Variants in USP42 observed in about 807,000 individuals in gnomAD.
The protein encoded by USP42 is ubiquitin specific peptidase 42, also known as ubiquitin carboxyl-terminal hydrolase 42.
A neutral mutation model predicts 113.0 loss-of-function variants in USP42; 23 were observed. The observed-to-expected ratio is 0.20, with a 90% CI of 0.15 to 0.29. USP42 has a LOEUF of 0.29. USP42 is among the 10% of genes least tolerant of loss of function. The probability of loss-of-function intolerance (pLI) is 1.00; values close to 1 mark genes in which losing one functional copy is unlikely to be tolerated. For synonymous variants in USP42, 933 were observed against 699.0 expected, an observed-to-expected ratio of 1.33 and a Z score of -5.28; for missense variants, 2,174 against 1,779.8, an observed-to-expected ratio of 1.22 and a Z score of -3.99.
chr7:6,117,677 C>T (rs1166770321), intron 3 of USP42, among the ~76,000 whole-genome samples: 1 of 152,174 alleles, frequency 6.6e-6, no homozygotes, highest in African/African-American at 2.4e-5. Context: ...ATGAATCTTC[C>T]ATTTGCTCCA....
At chr7:6,155,236 C>G in intron 15 of USP42, 41 bp downstream of exon 15, 1 of 1,486,042 alleles carries the variant, frequency 6.7e-7, no homozygotes, top group Non-Finnish European at 8.9e-7. Flanking sequence ...GCTGGCGCTG[C>G]TGTCAGCAGT....
intron 12 of USP42, among the ~76,000 whole-genome samples, chr7:6,149,034 C>T (rs1440138645): frequency 6.6e-6 from 1 of 152,226 alleles, no homozygotes; most frequent in Admixed American, 6.5e-5. Context: ...CTGACTTTCA[C>T]GCCTGCGCCT....
the USP42 span, among the ~76,000 whole-genome samples, chr7:6,096,932 C>CTT: frequency 0.025 from 3,490 of 142,024 alleles, 311 homozygotes; most frequent in African/African-American, 0.086. Context: ...TCTTTCTTTT[C>CTT]TTTTTTTTTT....
chr7:6,146,289 C>T lies in USP42; in HGVS notation c.1232+41C>T, dbSNP rs762696904. ...CAAATTGCCAGATTTTCTGGTATGT[C>T]ATTTCTTCTTGTCTTATCAACATGT... On this transcript the variant is annotated intron_variant, in intron 11 of 17. Coordinates refer to ENST00000306177, the MANE Select transcript of USP42 (RefSeq NM_032172.3). 12 of 1,173,042 alleles carry T rather than the reference C, an allele frequency of 1.0e-5. No individual in the cohort carries two copies. In the East Asian group the frequency reaches 3.0e-4, roughly 30 times the overall value. The allele number at this position is 1,173,042 out of a possible 1,614,324, so 72.7% of individuals were successfully genotyped here.
intron 3 of USP42, among the ~76,000 whole-genome samples, chr7:6,132,912 C>T (rs924975821): frequency 2.0e-5 from 3 of 152,228 alleles, no homozygotes; most frequent in Non-Finnish European, 4.4e-5. Flanking sequence ...ACCTTGTGAT[C>T]TGCCCATCTT....
chr7:6,134,409 T>C lies in USP42; in HGVS notation c.443-1432T>C, dbSNP rs1485220845. On this transcript the variant is annotated intron_variant, in intron 3 of 17. Transcript: ENST00000306177. Reference sequence around the variant, plus strand: ...CCAGACAGAATGAATTTTATGTTATTGGGTGCTGGGATTTTTGTATTTCTT... The same window carrying C: ...CCAGACAGAATGAATTTTATGTTATCGGGTGCTGGGATTTTTGTATTTCTT... Among the ~76,000 whole-genome samples, 3 of 152,350 alleles carry C rather than the reference T, an allele frequency of 2.0e-5. No homozygotes were observed. The East Asian group carries it at 5.8e-4, about 29-fold the overall frequency.
chr7:6,135,980 T>G, intron 4 of USP42, 29 bp downstream of exon 4: 6 of 1,380,926 alleles, frequency 4.3e-6, no homozygotes, highest in Non-Finnish European at 5.9e-6. Flanking sequence ...AGTTTTATAT[T>G]TGTATTTATT....
intron 3 of USP42, among the ~76,000 whole-genome samples, chr7:6,119,264 C>T (rs780106464): frequency 2.0e-5 from 3 of 151,832 alleles, no homozygotes; most frequent in Non-Finnish European, 4.4e-5. Flanking sequence ...GTTCTTTCTC[C>T]GAGTTATGCT....
chr7:6,106,850 T>G (rs753945019), intron 1 of USP42, among the ~76,000 whole-genome samples: 4 of 152,144 alleles, frequency 2.6e-5, no homozygotes, highest in African/African-American at 9.7e-5. Context: ...ACAGGCTTGG[T>G]CCACCATGCC....
At chr7:6,144,794 T>C (rs2128508791) in intron 9 of USP42, among the ~76,000 whole-genome samples, 1 of 150,230 alleles carries the variant, frequency 6.7e-6, no homozygotes, top group East Asian at 2.0e-4. Context: ...CGCTTGAACC[T>C]AGGAGGCAGA....
chr7:6,124,102 T>C (rs150526976), intron 3 of USP42, among the ~76,000 whole-genome samples: 318 of 151,322 alleles, frequency 2.1e-3, no homozygotes, highest in African/African-American at 7.0e-3. Context: ...TCTTGAAATC[T>C]TAACCTCAGG....
chr7:6,102,581 C>A (rs75490106), upstream of USP42, among the ~76,000 whole-genome samples: 1 of 149,948 alleles, frequency 6.7e-6, no homozygotes, highest in South Asian at 2.1e-4. Context: ...GGCAACATAG[C>A]GAGCCCGTCT....
At chr7:6,151,070 G>T (rs1261696247) in intron 14 of USP42, among the ~76,000 whole-genome samples, 1 of 152,200 alleles carries the variant, frequency 6.6e-6, no homozygotes, top group African/African-American at 2.4e-5. Context: ...TAATACAGTG[G>T]TATTTGTGTA....
chr7:6,096,923 CTTTCT>C, the USP42 span, among the ~76,000 whole-genome samples: 1 of 113,548 alleles, frequency 8.8e-6, no homozygotes, highest in Non-Finnish European at 1.6e-5. Flanking sequence ...TTCTTTCTTT[CTTTCT>C]TTTCTTTTTT....
intron 3 of USP42, among the ~76,000 whole-genome samples, chr7:6,129,092 G>C (rs749312422): frequency 1.3e-5 from 2 of 152,148 alleles, no homozygotes; most frequent in East Asian, 3.9e-4. Context: ...GATTACAGGC[G>C]TGTGCCACTG....
rs1483605545 is a variant in USP42 at position 6,144,172 on chromosome 7, T to C, written c.966T>C (p.Asn322=). ...VLTLSLKRFA[N]FTGGKIAKDV... The stretch of plus-strand genomic sequence containing the variant: ...CACTTTCTCTGAAACGTTTTGCAAA[T>C]TTTACCGGTGGAAAAATTGCTAAGG... Residue 322 remains asparagine, a synonymous_variant, in exon 9 of 18, where the codon AAT becomes AAC. Transcript: ENST00000306177. The C allele has an allele frequency of 3.1e-6, 5 of 1,594,678 alleles. No homozygotes were observed. The highest frequency in any genetic ancestry group is 3.4e-6 in the Non-Finnish European group (4 of 1,173,888).
chr7:6,091,999 CT>C, the USP42 span, among the ~76,000 whole-genome samples: 2 of 71,762 alleles, frequency 2.8e-5, no homozygotes, highest in African/African-American at 9.3e-5. Context: ...TCTTCTTCTT[CT>C]TCTTCTTCTT....
rs1331204569 is a variant in USP42 at position 6,154,425 on chromosome 7, A to G, written c.2871A>G (p.Arg957=). ...KVDRGHYRSR[R]ERSSSGEPAR... is the part of the protein sequence containing the mutation. ...ACCGAGGCCACTACCGCAGCCGGAG[A>G]GAGCGCTCGTCCAGCGGGGAGCCCG... Residue 957 remains arginine (R), a synonymous_variant, in exon 15 of 18, where the codon AGA becomes AGG. Coordinates refer to ENST00000306177, the MANE Select transcript of USP42 (RefSeq NM_032172.3). 6.4e-7 allele frequency: 1 copy of G among 1,574,746 alleles called. No individual in the cohort carries two copies. Among genetic ancestry groups the G allele is most frequent in the South Asian group, 1.2e-5 (1 of 85,776 alleles).
chr7:6,083,602 A>G, the USP42 span, among the ~76,000 whole-genome samples: 1 of 150,480 alleles, frequency 6.6e-6, no homozygotes, highest in East Asian at 1.9e-4. Context: ...ACACACATAT[A>G]TATACCCAGA....
Sources: gnomAD v4.1 joint callset for allele counts (sites outside exome capture counted in the v4.1 genomes callset) on GRCh38, gnomAD v4.1.1 for gene constraint, MANE v1.5 for transcripts, NCBI Gene and HGNC (gene_info 2026-07-23, HGNC 2026-07-21) for gene names.